Variants in COL23A1 observed in about 807,000 individuals in gnomAD.
The protein encoded by COL23A1 is collagen alpha-1(XXIII) chain.
Under a neutral mutation model 99.3 loss-of-function variants are expected in COL23A1, and 97 were observed. That is an observed-to-expected ratio of 0.98 (90% CI 0.83 to 1.16). COL23A1 has a LOEUF of 1.16. Ranked by LOEUF, COL23A1 falls within the 50% of genes most tolerant of loss-of-function variation. The pLI is 0.00. For synonymous variants in COL23A1, 320 were observed against 308.2 expected (o/e 1.04, Z -0.40); for missense variants, 762 against 757.4 (o/e 1.01, Z -0.07).
chr5:178,519,427 A>G (rs1238284964), intron 2 of COL23A1, among the ~76,000 whole-genome samples: 1 of 152,240 alleles, frequency 6.6e-6, no homozygotes, highest in East Asian at 1.9e-4. Flanking sequence ...GGAGCAATAC[A>G]GCAGGGAGTA....
At chr5:178,377,303 G>A (rs1561918017) in intron 2 of COL23A1, among the ~76,000 whole-genome samples, 1 of 152,372 alleles carries the variant, frequency 6.6e-6, no homozygotes, top group East Asian at 1.9e-4. Context: ...CTTCCTGGCT[G>A]TGCAAAGGCA....
At chr5:178,573,112 C>T (rs758861746) in intron 1 of COL23A1, among the ~76,000 whole-genome samples, 20 of 152,166 alleles carry the variant, frequency 1.3e-4, no homozygotes, top group Non-Finnish European at 2.4e-4. Context: ...GATGCATTCC[C>T]TATCTAGACT....
intron 5 of COL23A1, among the ~76,000 whole-genome samples, chr5:178,273,084 T>C (rs1348623860): frequency 2.0e-5 from 3 of 152,150 alleles, no homozygotes; most frequent in African/African-American, 7.2e-5. Context: ...TCCCGGCCGC[T>C]CTCTCCTGCT....
intron 5 of COL23A1, among the ~76,000 whole-genome samples, chr5:178,274,613 G>T (rs1756483583): frequency 6.6e-6 from 1 of 151,856 alleles, no homozygotes; most frequent in Admixed American, 6.6e-5. Flanking sequence ...GCCCTCCCCT[G>T]CCCCAGACAA....
chr5:178,524,680 C>T lies in COL23A1; in HGVS notation c.361+36002G>A, dbSNP rs563125688. On this transcript the variant is annotated intron_variant, in intron 2 of 28. Transcript: ENST00000390654. Reference sequence around the variant, plus strand: ...AGACCTGGCCAACTTCCAGGCCACGCTGACCCGAGGCAGGGCTGGCTCTTG... The same window carrying T: ...AGACCTGGCCAACTTCCAGGCCACGTTGACCCGAGGCAGGGCTGGCTCTTG... Among the ~76,000 whole-genome samples the T allele has an allele frequency of 2.0e-5, 3 of 152,352 alleles. No individual in the cohort carries two copies. In the East Asian group the frequency reaches 5.8e-4, roughly 30 times the overall value.
At chr5:178,256,515 TA>T in intron 14 of COL23A1, 118 bp from the exon 15 acceptor site, 1 of 918,162 alleles carries the variant, frequency 1.1e-6, no homozygotes, top group Non-Finnish European at 1.6e-6. Flanking sequence ...GCTGGAACCC[TA>T]ATAGCCAAAT....
intron 2 of COL23A1, among the ~76,000 whole-genome samples, chr5:178,331,858 G>T (rs1216986195): frequency 1.3e-5 from 2 of 152,230 alleles, no homozygotes; most frequent in African/African-American, 4.8e-5. Flanking sequence ...CGGCAGCCCG[G>T]GCAGTCAGCC....
chr5:178,321,480 C>CTTTTTTTTTTTTTTTTT (rs570803192), intron 2 of COL23A1, among the ~76,000 whole-genome samples: 1 of 109,040 alleles, frequency 9.2e-6, no homozygotes. Context: ...GTCACCTTCC[C>CTTTTTTTTTTTTTTTTT]TTTTTTTTTT....
At chr5:178,472,326 T>C (rs1383583797) in intron 2 of COL23A1, among the ~76,000 whole-genome samples, 1 of 152,116 alleles carries the variant, frequency 6.6e-6, no homozygotes, top group Non-Finnish European at 1.5e-5. Flanking sequence ...ATGTGCACTT[T>C]TGTCCCAATG....
rs771159547 is a variant in COL23A1 at position 178,239,098 on chromosome 5, C to T, written c.1620+43G>A. On this transcript the variant is annotated intron_variant, in intron 28 of 28. Transcript: ENST00000390654. The stretch of plus-strand genomic sequence containing the variant: ...GGCCCTCCCATTCCCCCACCCTCCC[C>T]TGCCTCTCCCAAGCCTGCCCTGGAG... 5 of 1,611,522 alleles carry T rather than the reference C, an allele frequency of 3.1e-6. No individual in the cohort carries two copies. The Admixed American group carries it at 6.7e-5, about 21-fold the overall frequency.
At chr5:178,478,205 T>C (rs961902870) in intron 2 of COL23A1, among the ~76,000 whole-genome samples, 2 of 152,128 alleles carry the variant, frequency 1.3e-5, no homozygotes, top group African/African-American at 4.8e-5. Flanking sequence ...TACAGGAGAT[T>C]GATGTGTGAG....
intron 2 of COL23A1, among the ~76,000 whole-genome samples, chr5:178,512,190 A>T (rs139008711): frequency 1.1e-3 from 175 of 152,330 alleles, no homozygotes; most frequent in Non-Finnish European, 2.1e-3. Context: ...GACTGGTTAA[A>T]CGCATTTTGG....
chr5:178,427,534 G>A (rs1465898386), intron 2 of COL23A1, among the ~76,000 whole-genome samples: 1 of 152,202 alleles, frequency 6.6e-6, no homozygotes, highest in African/African-American at 2.4e-5. Context: ...CTTTCAGTAG[G>A]TGAGTGGGTA....
intron 2 of COL23A1, among the ~76,000 whole-genome samples, chr5:178,526,512 G>A (rs887585200): frequency 4.6e-5 from 7 of 152,202 alleles, no homozygotes; most frequent in Non-Finnish European, 8.8e-5. Flanking sequence ...AGCCCACCAG[G>A]AGGGCATCTG....
intron 2 of COL23A1, among the ~76,000 whole-genome samples, chr5:178,449,656 C>T (rs895792656): frequency 6.6e-6 from 1 of 151,894 alleles, no homozygotes; most frequent in Non-Finnish European, 1.5e-5. Context: ...TCCAACGATG[C>T]CGCACCTCCC....
At chr5:178,450,385 G>A (rs926075968) in intron 2 of COL23A1, among the ~76,000 whole-genome samples, 1 of 152,180 alleles carries the variant, frequency 6.6e-6, no homozygotes, top group Non-Finnish European at 1.5e-5. Context: ...GAGAGAAGGT[G>A]CGTGCCACCC....
chr5:178,484,430 C>T (rs1757500060), intron 2 of COL23A1, among the ~76,000 whole-genome samples: 1 of 152,134 alleles, frequency 6.6e-6, no homozygotes, highest in African/African-American at 2.4e-5. Flanking sequence ...GTTAGCTGTC[C>T]CCTCATCCTA....
At chr5:178,557,945 C>T (rs961651651) in intron 2 of COL23A1, among the ~76,000 whole-genome samples, 7 of 151,876 alleles carry the variant, frequency 4.6e-5, no homozygotes, top group Non-Finnish European at 1.0e-4. Context: ...TGGCTAGGGT[C>T]GTCATGCTGC....
At position 178,246,723 on chromosome 5, in the gene COL23A1, G is replaced by C. The variant is rs1424626344; in HGVS notation, c.1297-270C>G. Among the ~76,000 whole-genome samples the C allele has an allele frequency of 1.1e-4, 3 of 26,920 alleles. No homozygotes were observed. In the East Asian group the frequency reaches 2.7e-3, roughly 25 times the overall value. 17.7% of individuals were successfully genotyped at this position (26,920 alleles called of 152,430 possible). On this transcript the variant is annotated intron_variant, in intron 22 of 28. Transcript: ENST00000390654. ...AAGATGAGGAAAGCAGGTGCAGACGGGGGGCGGGGGGGGGGGGACAGGCCC... is the reference window on the plus strand; with the variant it reads ...AAGATGAGGAAAGCAGGTGCAGACGCGGGGCGGGGGGGGGGGGACAGGCCC...
Sources: gnomAD v4.1 joint callset for allele counts (sites outside exome capture counted in the v4.1 genomes callset) on GRCh38, gnomAD v4.1.1 for gene constraint, MANE v1.5 for transcripts, NCBI Gene and HGNC (gene_info 2026-07-23, HGNC 2026-07-21) for gene names.